The following GPM6A variants were observed in gnomAD, a reference collection of about 807,000 sequenced individuals.
GPM6A encodes neuronal membrane glycoprotein M6-a.
In GPM6A, 7 loss-of-function variants were observed where a neutral mutation model predicts 32.1. The ratio of observed to expected loss-of-function variants is 0.22; its 90% CI spans 0.12 to 0.41. The LOEUF is 0.41. Ranked by LOEUF, GPM6A falls within the 10% of genes least tolerant of loss-of-function variation. The pLI is 1.00. For missense variants in GPM6A, 235 were observed against 347.2 expected (o/e 0.68, Z 2.57); for synonymous variants, 130 against 123.4 (o/e 1.05, Z -0.35).
intron 1 of GPM6A, among the ~76,000 whole-genome samples, chr4:175,712,817 C>CA (rs899604019): frequency 6.6e-5 from 10 of 152,102 alleles, no homozygotes; most frequent in African/African-American, 2.4e-4. Flanking sequence ...CAGAAGTGAT[C>CA]AAAAAATATG....
intron 1 of GPM6A, among the ~76,000 whole-genome samples, chr4:175,935,212 C>A (rs1294655691): frequency 6.6e-6 from 1 of 152,148 alleles, no homozygotes; most frequent in African/African-American, 2.4e-5. Flanking sequence ...TCTGGAATTA[C>A]CTGTTCTACT....
intron 1 of GPM6A, among the ~76,000 whole-genome samples, chr4:175,742,564 A>T (rs1230998648): frequency 3.3e-5 from 5 of 152,202 alleles, no homozygotes; most frequent in Non-Finnish European, 5.9e-5. Flanking sequence ...ATACAGAAGT[A>T]CACATCAGAA....
intron 1 of GPM6A, among the ~76,000 whole-genome samples, chr4:175,914,860 T>G (rs2111515008): frequency 6.6e-6 from 1 of 152,292 alleles, no homozygotes; most frequent in East Asian, 1.9e-4. Flanking sequence ...TTTGCCATAG[T>G]GTTTGCGGCC....
chr4:175,961,973 C>T (rs1386925060), intron 1 of GPM6A: 3 of 511,294 alleles, frequency 5.9e-6, no homozygotes, highest in Non-Finnish European at 1.1e-5. Context: ...CTTACCACCA[C>T]AGCAATAGGG....
intron 1 of GPM6A, among the ~76,000 whole-genome samples, chr4:175,704,841 A>G (rs1718141679): frequency 1.3e-5 from 2 of 152,330 alleles, no homozygotes; most frequent in African/African-American, 4.8e-5. Context: ...CACTGAATGC[A>G]TAGGTGGGAA....
intron 1 of GPM6A, among the ~76,000 whole-genome samples, chr4:175,925,194 G>A (rs985996136): frequency 9.2e-5 from 14 of 152,204 alleles, no homozygotes; most frequent in Non-Finnish European, 1.9e-4. Context: ...GATGGTAACG[G>A]AATACAATGA....
intron 1 of GPM6A, among the ~76,000 whole-genome samples, chr4:175,803,938 T>C (rs1372165884): frequency 2.6e-5 from 4 of 152,078 alleles, no homozygotes; most frequent in East Asian, 1.9e-4. Context: ...TTCTGACTAA[T>C]ATTCAAAGCA....
chr4:175,672,516 C>T (rs530242815), intron 3 of GPM6A, among the ~76,000 whole-genome samples: 66 of 152,140 alleles, frequency 4.3e-4, no homozygotes, highest in Non-Finnish European at 6.8e-4. Context: ...ATTGCTTGGG[C>T]ATCACTGAAA....
At chr4:175,697,433 T>C (rs1286587805) in intron 2 of GPM6A, among the ~76,000 whole-genome samples, 1 of 152,142 alleles carries the variant, frequency 6.6e-6, no homozygotes, top group African/African-American at 2.4e-5. Context: ...CCTCATCACA[T>C]AGCAGAAAGC....
At chr4:175,715,762 G>A (rs975209503) in intron 1 of GPM6A, among the ~76,000 whole-genome samples, 7 of 150,138 alleles carry the variant, frequency 4.7e-5, no homozygotes, top group East Asian at 2.0e-4. Flanking sequence ...TGAAAGCTAC[G>A]AGGTCAAGAA....
chr4:175,805,481 G>T (rs1435304249), intron 1 of GPM6A, among the ~76,000 whole-genome samples: 1 of 152,092 alleles, frequency 6.6e-6, no homozygotes, highest in African/African-American at 2.4e-5. Flanking sequence ...TCCCCTTTTA[G>T]GAGACAATAT....
At chr4:175,759,435 C>T (rs1231249288) in intron 1 of GPM6A, among the ~76,000 whole-genome samples, 2 of 152,044 alleles carry the variant, frequency 1.3e-5, no homozygotes, top group East Asian at 1.9e-4. Context: ...CTTTTTCTCC[C>T]TTTTGTACAT....
At chr4:175,664,446 T>C (rs114862602) in intron 3 of GPM6A, among the ~76,000 whole-genome samples, 1,862 of 152,214 alleles carry the variant, frequency 0.012, 21 homozygotes, top group Non-Finnish European at 0.021. Flanking sequence ...GAAAAAGGAG[T>C]ATATGTGAGC....
chr4:175,765,312 C>T (rs1732919713), intron 1 of GPM6A, among the ~76,000 whole-genome samples: 1 of 152,174 alleles, frequency 6.6e-6, no homozygotes, highest in Non-Finnish European at 1.5e-5. Flanking sequence ...CACCATTTTA[C>T]TTGGACTCTT....
At chr4:175,893,529 C>G (rs1376106628) in intron 1 of GPM6A, among the ~76,000 whole-genome samples, 1 of 152,102 alleles carries the variant, frequency 6.6e-6, no homozygotes, top group Non-Finnish European at 1.5e-5. Flanking sequence ...CTCCCTTAAG[C>G]TGACTGCCTT....
At chr4:175,653,440 G>A (rs1334618663) in intron 3 of GPM6A, among the ~76,000 whole-genome samples, 1 of 151,958 alleles carries the variant, frequency 6.6e-6, no homozygotes, top group Non-Finnish European at 1.5e-5. Flanking sequence ...AATAGTTGGG[G>A]TCAACATCTG....
intron 1 of GPM6A, among the ~76,000 whole-genome samples, chr4:175,883,555 T>C (rs1352056016): frequency 2.0e-5 from 3 of 152,144 alleles, no homozygotes; most frequent in African/African-American, 7.2e-5. Context: ...ATACTACATA[T>C]AATTTACAGT....
intron 1 of GPM6A, among the ~76,000 whole-genome samples, chr4:175,923,277 T>G (rs1738728373): frequency 6.8e-6 from 1 of 146,452 alleles, no homozygotes; most frequent in Non-Finnish European, 1.5e-5. Context: ...GATTAACAAC[T>G]TGAGAGTGTT....
intron 1 of GPM6A, among the ~76,000 whole-genome samples, chr4:175,988,490 T>C (rs1741044810): frequency 6.6e-6 from 1 of 152,132 alleles, no homozygotes. Context: ...ATTCAAAGAC[T>C]AAAGAACCTT....
Sources: gnomAD v4.1 joint callset for allele counts (sites outside exome capture counted in the v4.1 genomes callset) on GRCh38, gnomAD v4.1.1 for gene constraint, MANE v1.5 for transcripts, NCBI Gene and HGNC (gene_info 2026-07-23, HGNC 2026-07-21) for gene names.